ROBO1: variants seen among roughly 807,000 people sequenced by gnomAD.
The protein encoded by ROBO1 is roundabout guidance receptor 1.
A neutral mutation model predicts 195.9 loss-of-function variants in ROBO1; 149 were observed. That is an observed-to-expected ratio of 0.76 (90% CI 0.67 to 0.87). ROBO1 has a LOEUF of 0.87. Ranked by LOEUF, ROBO1 falls within the 40% of genes least tolerant of loss-of-function variation. The pLI is 0.00. For missense variants in ROBO1, 1,933 were observed against 2,068.3 expected (o/e 0.93, Z 1.27); for synonymous variants, 816 against 733.2 (o/e 1.11, Z -1.82).
chr3:78,993,985 A>G (rs1008394205), intron 3 of ROBO1, among the ~76,000 whole-genome samples: 5 of 151,484 alleles, frequency 3.3e-5, no homozygotes, highest in African/African-American at 1.2e-4. Context: ...ACTAGATACC[A>G]GCTTTAAAAA....
intron 3 of ROBO1, among the ~76,000 whole-genome samples, chr3:79,042,782 A>T (rs1248182813): frequency 6.6e-6 from 1 of 152,124 alleles, no homozygotes. Flanking sequence ...AAAATGAGCA[A>T]ATCAACTCAT....
At chr3:79,515,925 CT>C (rs1302267542) in intron 2 of ROBO1, among the ~76,000 whole-genome samples, 3 of 152,044 alleles carry the variant, frequency 2.0e-5, no homozygotes, top group African/African-American at 7.2e-5. Context: ...ATATATTTTA[CT>C]TCATGAATAA....
intron 3 of ROBO1, among the ~76,000 whole-genome samples, chr3:79,032,221 T>G (rs1454149985): frequency 6.6e-6 from 1 of 152,066 alleles, no homozygotes; most frequent in African/African-American, 2.4e-5. Flanking sequence ...AATTATTTTT[T>G]AATACACAAT....
chr3:79,099,110 C>T (rs2079626910), intron 3 of ROBO1, among the ~76,000 whole-genome samples: 1 of 151,676 alleles, frequency 6.6e-6, no homozygotes, highest in African/African-American at 2.4e-5. Context: ...TAATCTTTTT[C>T]ATAACTGAAC....
chr3:79,334,521 T>C (rs904081887), intron 2 of ROBO1, among the ~76,000 whole-genome samples: 1 of 151,732 alleles, frequency 6.6e-6, no homozygotes. Flanking sequence ...CTGGTTATAG[T>C]AGATGTTCGA....
chr3:79,586,649 A>G (rs1943838547), intron 2 of ROBO1, among the ~76,000 whole-genome samples: 1 of 150,916 alleles, frequency 6.6e-6, no homozygotes, highest in African/African-American at 2.4e-5. Context: ...ACTCAATTTT[A>G]TTTTTTTTTA....
At chr3:78,646,855 A>G (rs1706326925) in intron 20 of ROBO1, among the ~76,000 whole-genome samples, 4 of 152,026 alleles carry the variant, frequency 2.6e-5, no homozygotes, top group African/African-American at 7.2e-5. Context: ...TTTGGGATGG[A>G]AAAATTTAAC....
At chr3:79,740,667 C>T (rs1376046504) in intron 1 of ROBO1, among the ~76,000 whole-genome samples, 1 of 152,060 alleles carries the variant, frequency 6.6e-6, no homozygotes, top group Non-Finnish European at 1.5e-5. Context: ...CAGAAACCGC[C>T]CCCATGATTC....
chr3:79,137,882 C>G (rs1053014761), intron 2 of ROBO1, among the ~76,000 whole-genome samples: 1 of 152,054 alleles, frequency 6.6e-6, no homozygotes, highest in Non-Finnish European at 1.5e-5. Context: ...CTTTTCTAGT[C>G]ACTGAACAAT....
At chr3:79,459,604 C>T (rs999425584) in intron 2 of ROBO1, among the ~76,000 whole-genome samples, 1 of 151,750 alleles carries the variant, frequency 6.6e-6, no homozygotes, top group Non-Finnish European at 1.5e-5. Flanking sequence ...AGTAATCTTT[C>T]AATTAGAAAA....
intron 3 of ROBO1, among the ~76,000 whole-genome samples, chr3:79,053,526 C>T (rs962402113): frequency 6.6e-6 from 1 of 151,940 alleles, no homozygotes; most frequent in Non-Finnish European, 1.5e-5. Context: ...TACAGGCCCT[C>T]CCCCATCCAC....
At chr3:78,977,437 C>T (rs577480284) in intron 3 of ROBO1, among the ~76,000 whole-genome samples, 436 of 151,916 alleles carry the variant, frequency 2.9e-3, no homozygotes, top group Non-Finnish European at 4.9e-3. Flanking sequence ...AAATCATTTT[C>T]CTTTGTTCTC....
chr3:79,644,326 G>T (rs964165784), intron 1 of ROBO1, among the ~76,000 whole-genome samples: 2 of 152,026 alleles, frequency 1.3e-5, no homozygotes, highest in Non-Finnish European at 2.9e-5. Context: ...CATAGAAAGA[G>T]CAAAGTTAAA....
chr3:78,913,250 G>A (rs1209818772), intron 4 of ROBO1, among the ~76,000 whole-genome samples: 1 of 152,038 alleles, frequency 6.6e-6, no homozygotes, highest in Non-Finnish European at 1.5e-5. Context: ...GAATATGGAT[G>A]ATGAGATAGT....
intron 2 of ROBO1, among the ~76,000 whole-genome samples, chr3:79,418,058 T>A (rs1219898664): frequency 6.6e-6 from 1 of 152,140 alleles, no homozygotes; most frequent in Non-Finnish European, 1.5e-5. Flanking sequence ...TCAAGCAATA[T>A]ACAAGTGATT....
chr3:79,309,348 G>T (rs1231560212), intron 2 of ROBO1, among the ~76,000 whole-genome samples: 3 of 152,104 alleles, frequency 2.0e-5, no homozygotes, highest in Non-Finnish European at 4.4e-5. Context: ...GTGGGCAGAA[G>T]GCTTGAGCTC....
intron 1 of ROBO1, among the ~76,000 whole-genome samples, chr3:79,679,728 A>G (rs778022155): frequency 3.3e-5 from 5 of 152,004 alleles, no homozygotes; most frequent in Non-Finnish European, 5.9e-5. Flanking sequence ...GGAGAGTGAG[A>G]ACAAAATTGC....
At chr3:79,438,122 T>A (rs1294634504) in intron 2 of ROBO1, among the ~76,000 whole-genome samples, 1 of 151,998 alleles carries the variant, frequency 6.6e-6, no homozygotes, top group Non-Finnish European at 1.5e-5. Context: ...CACTGTTTTT[T>A]AACTTAATGT....
chr3:78,645,596 T>C (rs1706230457), intron 21 of ROBO1, among the ~76,000 whole-genome samples: 1 of 152,120 alleles, frequency 6.6e-6, no homozygotes, highest in Non-Finnish European at 1.5e-5. Context: ...TAATAATTAC[T>C]TTAAAAATCA....
Sources: gnomAD v4.1 joint callset for allele counts (sites outside exome capture counted in the v4.1 genomes callset) on GRCh38, gnomAD v4.1.1 for gene constraint, MANE v1.5 for transcripts, NCBI Gene and HGNC (gene_info 2026-07-23, HGNC 2026-07-21) for gene names.